The following DEUP1 variants were observed in gnomAD, a reference collection of about 807,000 sequenced individuals.
DEUP1 encodes coiled-coil domain containing 67.
Under a neutral mutation model 87.4 loss-of-function variants are expected in DEUP1, and 82 were observed. That is an observed-to-expected ratio of 0.94 (90% CI 0.78 to 1.13). The LOEUF is 1.13. Among genes scored for constraint, DEUP1 ranks in the 50% most tolerant of loss-of-function variants. DEUP1 has a pLI of 0.00. For missense variants in DEUP1, 663 were observed against 681.5 expected (o/e 0.97, Z 0.30); for synonymous variants, 214 against 222.7 (o/e 0.96, Z 0.35).
At chr11:93,437,054 C>A (rs186481372) in intron 13 of DEUP1, among the ~76,000 whole-genome samples, 1 of 152,160 alleles carries the variant, frequency 6.6e-6, no homozygotes, top group African/African-American at 2.4e-5. Flanking sequence ...TAGGGAGCCA[C>A]CTCCACCCCA....
chr11:93,427,949 G>C (rs1032291478), intron 13 of DEUP1, among the ~76,000 whole-genome samples: 6 of 149,540 alleles, frequency 4.0e-5, no homozygotes, highest in African/African-American at 1.5e-4. Flanking sequence ...AGTTAGAATG[G>C]CAATCATTAA....
At chr11:93,415,476 A>G (rs1432489441) in intron 13 of DEUP1, among the ~76,000 whole-genome samples, 9 of 152,058 alleles carry the variant, frequency 5.9e-5, no homozygotes, top group African/African-American at 1.9e-4. Flanking sequence ...CTGGTTTAAA[A>G]CATCTTTTCT....
In DEUP1 at chr11:93,401,133, AT is replaced by A. The variant is rs1947105453; in HGVS notation, c.1326+4813del. On this transcript the variant is annotated intron_variant, in intron 11 of 13. Transcript: ENST00000298050. ...ATAAAAACATACCAAAACAAGTAGC[AT>A]TTTTATATGTCAATAGTGAATAATC... 2.0e-5 allele frequency among the ~76,000 whole-genome samples: 3 copies of A among 152,168 alleles called. 1 individual carries two copies. The highest frequency in any genetic ancestry group is 4.1e-4 in the South Asian group (2 of 4,838).
rs561319797 is a variant in DEUP1 at position 93,347,706 on chromosome 11, T to C, written c.30-7665T>C. Among the ~76,000 whole-genome samples the C allele has an allele frequency of 1.2e-4, 19 of 152,228 alleles. No individual in the cohort carries two copies. In the South Asian group the frequency reaches 3.9e-3, roughly 32 times the overall value. ...AATTTCAGAGCCCATTGTTGGTCTG[T>C]TCAGAGATTCAGTTTTTTGGGGGGG... is the stretch of plus-strand genomic sequence containing the variant. On this transcript the variant is annotated intron_variant, in intron 2 of 13. Transcript: ENST00000298050.
At chr11:93,332,412 G>A (rs914017531) in intron 2 of DEUP1, 124 bp downstream of exon 2, 15 of 692,980 alleles carry the variant, frequency 2.2e-5, no homozygotes, top group East Asian at 8.4e-5. Flanking sequence ...TTGGTGAGGC[G>A]GATGAGAGGA....
chr11:93,430,270 TG>T (rs1210354698), intron 13 of DEUP1, among the ~76,000 whole-genome samples: 1 of 152,164 alleles, frequency 6.6e-6, no homozygotes, highest in Non-Finnish European at 1.5e-5. Flanking sequence ...TGGCAGTTCC[TG>T]TTCTAAACAT....
chr11:93,352,926 AC>A (rs1256190122), intron 2 of DEUP1, among the ~76,000 whole-genome samples: 3 of 152,100 alleles, frequency 2.0e-5, no homozygotes, highest in Non-Finnish European at 4.4e-5. Flanking sequence ...ACACAGGCAA[AC>A]CATATCATTC....
chr11:93,371,937 T>C (rs1945749519), intron 7 of DEUP1, among the ~76,000 whole-genome samples: 1 of 151,280 alleles, frequency 6.6e-6, no homozygotes, highest in African/African-American at 2.4e-5. Flanking sequence ...ATTTCTTTTT[T>C]TTTTTTTTTG....
intron 2 of DEUP1, among the ~76,000 whole-genome samples, chr11:93,353,851 A>C (rs956297294): frequency 6.6e-6 from 1 of 151,992 alleles, no homozygotes; most frequent in Non-Finnish European, 1.5e-5. Context: ...CCATGAAACC[A>C]CTTTTTCCTC....
At chr11:93,416,153 C>T (rs1185637014) in intron 13 of DEUP1, among the ~76,000 whole-genome samples, 2 of 152,098 alleles carry the variant, frequency 1.3e-5, no homozygotes, top group Admixed American at 6.6e-5. Context: ...CTTGCAAAAG[C>T]TAGCAGAAGG....
At chr11:93,345,549 A>G (rs995490855) in intron 2 of DEUP1, among the ~76,000 whole-genome samples, 1 of 152,180 alleles carries the variant, frequency 6.6e-6, no homozygotes, top group Non-Finnish European at 1.5e-5. Flanking sequence ...AATAATACCC[A>G]TTCTGACTGG....
intron 2 of DEUP1, among the ~76,000 whole-genome samples, chr11:93,338,111 C>T (rs1291714325): frequency 6.6e-6 from 1 of 152,108 alleles, no homozygotes; most frequent in Non-Finnish European, 1.5e-5. Context: ...CGTTTGTTCT[C>T]TCCCCAAAAG....
chr11:93,373,436 G>C (rs940588082), intron 7 of DEUP1, among the ~76,000 whole-genome samples: 2 of 151,756 alleles, frequency 1.3e-5, no homozygotes, highest in African/African-American at 4.8e-5. Context: ...GAGTGAGAAC[G>C]TAAGTAGGAG....
At position 93,370,137 on chromosome 11, in the gene DEUP1, C is replaced by A. The variant is rs774395193; in HGVS notation, c.497C>A (p.Ser166Tyr). ...ATATTATATCAGACTCATCTGATTTCTTTAGATGCTCAACAAAAATTATTA... is the reference window on the plus strand; with the variant it reads ...ATATTATATCAGACTCATCTGATTTATTTAGATGCTCAACAAAAATTATTA... ...QEILYQTHLI[S>Y]LDAQQKLLSE... Residue 166 changes from serine (S) to tyrosine (Y), a missense_variant, in exon 6 of 14, where the codon TCT (serine) becomes TAT (tyrosine). Transcript: ENST00000298050. 1.9e-6 allele frequency: 3 copies of A among 1,605,828 alleles called. No individual in the cohort carries two copies. In the Admixed American group the frequency reaches 5.0e-5, roughly 27 times the overall value.
chr11:93,359,116 G>A (rs1326132399), intron 4 of DEUP1, among the ~76,000 whole-genome samples: 1 of 152,208 alleles, frequency 6.6e-6, no homozygotes, highest in Non-Finnish European at 1.5e-5. Flanking sequence ...ACTTGATTCG[G>A]TTTGCATAAA....
rs1440346741 is a variant in DEUP1, at chr11:93,371,216, A to G, written c.725A>G (p.Asn242Ser). ...SAVNEIALSR[N>S]KLQDENQKLL... ...GTAAATGAGATAGCACTAAGCAGGAATAAATTACAAGATGAAAATCAGAAG... is the reference window on the plus strand; with the variant it reads ...GTAAATGAGATAGCACTAAGCAGGAGTAAATTACAAGATGAAAATCAGAAG... The change falls in exon 7 of 14, where the codon AAT (asparagine) becomes AGT (serine). Residue 242 changes from asparagine (N) to serine (S), a missense_variant. Coordinates refer to ENST00000298050, the MANE Select transcript of DEUP1 (RefSeq NM_181645.4). 6.2e-7 allele frequency: 1 copy of G among 1,613,240 alleles called. No individual in the cohort carries two copies. Among genetic ancestry groups the G allele is most frequent in the Non-Finnish European group, 8.5e-7 (1 of 1,179,592 alleles).
intron 13 of DEUP1, among the ~76,000 whole-genome samples, chr11:93,421,062 C>G: frequency 3.3e-5 from 1 of 30,364 alleles, no homozygotes; most frequent in Non-Finnish European, 5.9e-5. Context: ...TCTGCATTTC[C>G]ATCTGAGGTA....
At chr11:93,337,603 A>C (rs1943838439) in intron 2 of DEUP1, among the ~76,000 whole-genome samples, 1 of 152,170 alleles carries the variant, frequency 6.6e-6, no homozygotes, top group Non-Finnish European at 1.5e-5. Flanking sequence ...GTATCTCTGA[A>C]GAAGAAACAA....
chr11:93,381,151 T>C (rs982644204), intron 7 of DEUP1, among the ~76,000 whole-genome samples: 1 of 152,180 alleles, frequency 6.6e-6, no homozygotes, highest in Non-Finnish European at 1.5e-5. Flanking sequence ...AATACATCAA[T>C]TATTTATATT....
Sources: gnomAD v4.1 joint callset for allele counts (sites outside exome capture counted in the v4.1 genomes callset) on GRCh38, gnomAD v4.1.1 for gene constraint, MANE v1.5 for transcripts, NCBI Gene and HGNC (gene_info 2026-07-23, HGNC 2026-07-21) for gene names.